Variants in SORCS1 observed in about 807,000 individuals in gnomAD.
The protein encoded by SORCS1 is VPS10 domain-containing receptor SorCS1.
In SORCS1, 60 loss-of-function variants were observed where a neutral mutation model predicts 146.1. The observed-to-expected ratio is 0.41, with a 90% confidence interval of 0.33 to 0.51. The LOEUF is 0.51. Ranked by LOEUF, SORCS1 falls within the 20% of genes least tolerant of loss-of-function variation. SORCS1 has a pLI of 0.21. For synonymous variants in SORCS1, 637 were observed against 584.0 expected (o/e 1.09, Z -1.31); for missense variants, 1,352 against 1,487.6 (o/e 0.91, Z 1.50).
At chr10:106,851,452 G>C (rs528424200) in intron 2 of SORCS1, among the ~76,000 whole-genome samples, 9 of 152,258 alleles carry the variant, frequency 5.9e-5, no homozygotes, top group African/African-American at 2.2e-4. Context: ...AGCACCATTT[G>C]TTGAAAAGAC....
intron 3 of SORCS1, among the ~76,000 whole-genome samples, chr10:106,826,985 A>G (rs1948333879): frequency 6.6e-6 from 1 of 152,194 alleles, no homozygotes. Flanking sequence ...TGGACTAATT[A>G]TGCAGCCTGA....
intron 18 of SORCS1, among the ~76,000 whole-genome samples, chr10:106,646,011 T>C (rs1311937930): frequency 6.6e-6 from 1 of 152,118 alleles, no homozygotes; most frequent in Non-Finnish European, 1.5e-5. Context: ...CGCTTGTAAA[T>C]CCCAGCACTT....
intron 2 of SORCS1, among the ~76,000 whole-genome samples, chr10:106,838,768 T>C (rs954258189): frequency 1.3e-5 from 2 of 152,240 alleles, no homozygotes; most frequent in African/African-American, 4.8e-5. Context: ...AGCAAGTCTA[T>C]TGGTGCCATT....
chr10:106,660,755 A>T (rs1850663421), intron 17 of SORCS1, among the ~76,000 whole-genome samples: 1 of 152,108 alleles, frequency 6.6e-6, no homozygotes, highest in African/African-American at 2.4e-5. Context: ...GTCTCAAAAA[A>T]AAAAAAAAAA....
At chr10:106,580,177 T>C (rs1844819110) in intron 24 of SORCS1, among the ~76,000 whole-genome samples, 1 of 152,144 alleles carries the variant, frequency 6.6e-6, no homozygotes, top group African/African-American at 2.4e-5. Context: ...AGGAAACTGA[T>C]GGCCAAGTGA....
chr10:106,877,655 G>A (rs552766979), intron 2 of SORCS1, among the ~76,000 whole-genome samples: 19 of 152,232 alleles, frequency 1.2e-4, no homozygotes, highest in Middle Eastern at 6.8e-3. Context: ...TCGAATTCTA[G>A]ATTAGAATCT....
chr10:106,967,996 A>G (rs970256470), intron 1 of SORCS1, among the ~76,000 whole-genome samples: 17 of 151,756 alleles, frequency 1.1e-4, no homozygotes, highest in African/African-American at 3.9e-4. Flanking sequence ...TGAGGTCAGG[A>G]AATCGAGACC....
intron 1 of SORCS1, among the ~76,000 whole-genome samples, chr10:107,113,689 C>CA (rs538551901): frequency 0.024 from 1,159 of 48,270 alleles, 10 homozygotes; most frequent in Non-Finnish European, 0.026. Context: ...GACTCCATCT[C>CA]AAAAAAAAAA....
intron 21 of SORCS1, among the ~76,000 whole-genome samples, chr10:106,616,467 T>A (rs1847369527): frequency 6.6e-6 from 1 of 152,142 alleles, no homozygotes; most frequent in Non-Finnish European, 1.5e-5. Context: ...ATGGGGATCA[T>A]AATATCACCT....
chr10:107,015,783 G>A (rs1453423714), intron 1 of SORCS1, among the ~76,000 whole-genome samples: 1 of 152,124 alleles, frequency 6.6e-6, no homozygotes, highest in East Asian at 1.9e-4. Context: ...TTGAATAAAG[G>A]TGACAGATTT....
intron 1 of SORCS1, among the ~76,000 whole-genome samples, chr10:106,976,340 T>G (rs866945338): frequency 2.4e-5 from 3 of 123,670 alleles, no homozygotes; most frequent in African/African-American, 7.0e-5. Context: ...TTTGTTTTTT[T>G]TTTTTTTTTG....
At chr10:106,720,946 T>C (rs1156810491) in intron 6 of SORCS1, among the ~76,000 whole-genome samples, 2 of 152,078 alleles carry the variant, frequency 1.3e-5, no homozygotes, top group African/African-American at 4.8e-5. Flanking sequence ...TTATCTTATT[T>C]CATGCTTTTC....
chr10:106,670,755 G>T (rs561176941), intron 16 of SORCS1, among the ~76,000 whole-genome samples: 1 of 149,966 alleles, frequency 6.7e-6, no homozygotes, highest in East Asian at 2.0e-4. Flanking sequence ...GTGCAGTGGC[G>T]CGATCGTGGC....
chr10:106,575,412 T>C lies in SORCS1; in HGVS notation c.*2008A>G, dbSNP rs1403982350. On this transcript the variant is annotated 3_prime_UTR_variant, in exon 26 of 26. Transcript: ENST00000263054. Reference sequence around the variant, plus strand: ...CTCATTATCACCAGGGCCTGTGTTATACCCTGTTGGCTTAGGGACATAGCA... The same window carrying C: ...CTCATTATCACCAGGGCCTGTGTTACACCCTGTTGGCTTAGGGACATAGCA... 2 of 152,224 alleles carry C rather than the reference T, an allele frequency of 1.3e-5. No individual in the cohort carries two copies. Among genetic ancestry groups the C allele is most frequent in the Admixed American group, 1.3e-4 (2 of 15,274 alleles). 9.4% of individuals were successfully genotyped at this position (152,224 alleles called of 1,614,324 possible).
At chr10:107,097,611 A>G (rs376545083) in intron 1 of SORCS1, among the ~76,000 whole-genome samples, 1 of 152,074 alleles carries the variant, frequency 6.6e-6, no homozygotes, top group East Asian at 1.9e-4. Context: ...GCCAGGCCAC[A>G]CATTAGCAGA....
intron 2 of SORCS1, among the ~76,000 whole-genome samples, chr10:106,906,544 A>C (rs1441805279): frequency 6.6e-6 from 1 of 152,216 alleles, no homozygotes; most frequent in African/African-American, 2.4e-5. Context: ...CAAAAGCAGA[A>C]ACACCTAATA....
At chr10:106,706,497 T>C (rs773621034) in intron 8 of SORCS1, 48 bp downstream of exon 8, 2 of 1,573,494 alleles carry the variant, frequency 1.3e-6, no homozygotes, top group Non-Finnish European at 1.7e-6. Flanking sequence ...GGCTGGCTTC[T>C]GTGAATGAGA....
intron 24 of SORCS1, among the ~76,000 whole-genome samples, chr10:106,586,497 CCT>C (rs1367016764): frequency 5.9e-5 from 9 of 152,064 alleles, no homozygotes; most frequent in South Asian, 2.1e-4. Context: ...TGTTTGTGCC[CCT>C]GTTTCTGTTC....
At chr10:106,767,909 GTGCC>G (rs1472155041) in intron 4 of SORCS1, among the ~76,000 whole-genome samples, 8 of 152,268 alleles carry the variant, frequency 5.3e-5, no homozygotes, top group African/African-American at 1.9e-4. Context: ...TAGCACAATT[GTGCC>G]TGTTCAAATC....
Sources: allele counts gnomAD v4.1 joint callset (sites outside exome capture counted in the v4.1 genomes callset), GRCh38; gene constraint gnomAD v4.1.1; transcripts MANE v1.5; gene names NCBI Gene and HGNC (gene_info 2026-07-23, HGNC 2026-07-21).